Variants in CLEC16A observed in about 807,000 individuals in gnomAD.
CLEC16A encodes C-type lectin domain containing 16A.
In CLEC16A, 51 loss-of-function variants were observed where a neutral mutation model predicts 109.5. The ratio of observed to expected loss-of-function variants is 0.47; its 90% CI spans 0.37 to 0.59. The LOEUF is 0.59. Among genes scored for constraint, CLEC16A ranks in the 20% least tolerant of loss-of-function variants. CLEC16A has a pLI of 0.00. For missense variants in CLEC16A, 1,339 were observed against 1,394.0 expected, an observed-to-expected ratio of 0.96 and a Z score of 0.63; for synonymous variants, 673 against 564.2, an observed-to-expected ratio of 1.19 and a Z score of -2.73.
chr16:11,003,123 G>T lies in CLEC16A; in HGVS notation c.1121G>T (p.Arg374Leu), dbSNP rs74163611. The change falls in exon 11 of 24, where the codon CGG becomes CTG. Residue 374 changes from arginine (R) to leucine (L), a missense_variant. Arg to Leu is a moderately radical substitution (Grantham distance 102, BLOSUM62 -2). Around this residue, in one of 3 missense-constraint regions of CLEC16A, gnomAD observed 1,061 missense variants for 1,006.8 expected, o/e 1.05. Transcript: ENST00000409790. ...CFIKPTETLE[R>L]SLEMNKHKGK... ...ATTAAACCCACCGAGACACTCGAGC[G>T]GTCCCTTGAGATGAACAAGCACAAG... 6.2e-7 allele frequency: 1 copy of T among 1,613,498 alleles called. No individual in the cohort carries two copies. Among genetic ancestry groups the T allele is most frequent in the Non-Finnish European group, 8.5e-7 (1 of 1,179,804 alleles).
chr16:10,978,633 TC>T (rs1013769472), intron 8 of CLEC16A, among the ~76,000 whole-genome samples: 50 of 152,258 alleles, frequency 3.3e-4, no homozygotes, highest in African/African-American at 9.4e-4. Context: ...TCCTTTCCTT[TC>T]CTCTTATTTC....
chr16:11,003,875 C>G, intron 11 of CLEC16A, among the ~76,000 whole-genome samples: 1 of 150,686 alleles, frequency 6.6e-6, no homozygotes, highest in Admixed American at 6.6e-5. Context: ...TGGCTCACAC[C>G]TTAATCCCAG....
chr16:11,023,815 G>A (rs966011166), intron 12 of CLEC16A, among the ~76,000 whole-genome samples: 5 of 152,040 alleles, frequency 3.3e-5, no homozygotes, highest in Non-Finnish European at 5.9e-5. Context: ...ACTCATGAAG[G>A]TGCTCTGTTC....
rs780416481 is a variant in CLEC16A, at chr16:11,174,196, C to G, written c.2807-4139C>G. ...GGACGCCGACGAGTGTTCAGCCTGT[C>G]GGAGGCCGACAGTCATGGCGGCCAC... On this transcript the variant is annotated intron_variant, in intron 23 of 23. Transcript: ENST00000409790. The surrounding 1 kb of genome is among the most constrained non-coding windows in gnomAD (Gnocchi z 4.7). 4.3e-6 allele frequency: 2 copies of G among 469,494 alleles called. No homozygotes were observed. The highest frequency in any genetic ancestry group is 2.0e-5 in the African/African-American group (1 of 50,064). The allele number at this position is 469,494 out of a possible 1,614,324, so 29.1% of individuals were successfully genotyped here. A position where few individuals can be genotyped will look rare whatever the true frequency, so the allele number is the denominator to read the frequency against.
At chr16:11,069,839 C>T (rs1030245801) in intron 19 of CLEC16A, among the ~76,000 whole-genome samples, 3 of 152,186 alleles carry the variant, frequency 2.0e-5, no homozygotes, top group African/African-American at 7.2e-5. Flanking sequence ...ACATAGCCAT[C>T]TCATTGTATG....
At chr16:11,169,484 A>C (rs1250634461) in intron 23 of CLEC16A, among the ~76,000 whole-genome samples, 2 of 152,118 alleles carry the variant, frequency 1.3e-5, no homozygotes, top group African/African-American at 4.8e-5. Flanking sequence ...ATGGGGTTTC[A>C]CCATGTTGGC....
intron 22 of CLEC16A, 92 bp downstream of exon 22, chr16:11,126,238 C>T (rs1232436902): frequency 4.4e-6 from 7 of 1,579,398 alleles, no homozygotes; most frequent in Non-Finnish European, 6.0e-6. Context: ...AGCTGCCCTT[C>T]CTCTCTCAGA....
intron 8 of CLEC16A, among the ~76,000 whole-genome samples, 183 bp from the exon 9 acceptor site, chr16:10,979,146 T>C (rs2043180936): frequency 6.6e-6 from 1 of 152,042 alleles, no homozygotes; most frequent in African/African-American, 2.4e-5. Context: ...GCAAACAGTA[T>C]TGAGTGGGAT....
At chr16:10,946,157 G>T (rs765796070) in intron 1 of CLEC16A, among the ~76,000 whole-genome samples, 14 of 152,176 alleles carry the variant, frequency 9.2e-5, no homozygotes, top group Non-Finnish European at 1.8e-4. Flanking sequence ...CAAGAAATAG[G>T]CAGGTTTCCA....
intron 19 of CLEC16A, among the ~76,000 whole-genome samples, chr16:11,087,948 C>T (rs1274552334): frequency 2.0e-5 from 3 of 152,258 alleles, no homozygotes; most frequent in Admixed American, 6.5e-5. Flanking sequence ...TGGGCTCCTC[C>T]ACCTGGGAGC....
chr16:11,050,310 T>G (rs936037074), intron 17 of CLEC16A, among the ~76,000 whole-genome samples: 8 of 152,224 alleles, frequency 5.3e-5, no homozygotes, highest in African/African-American at 1.9e-4. Context: ...GGATTAAGTT[T>G]CCAACACATG....
In CLEC16A at chr16:11,180,214, A is replaced by C. The variant is rs1484345542; in HGVS notation, c.*1524A>C. The C allele has an allele frequency of 6.6e-6, 1 of 152,390 alleles. No homozygotes were observed. Among genetic ancestry groups the C allele is most frequent in the Non-Finnish European group, 1.5e-5 (1 of 68,152 alleles). The allele number at this position is 152,390 out of a possible 1,614,324, so 9.4% of individuals were successfully genotyped here. On this transcript the variant is annotated 3_prime_UTR_variant, in exon 24 of 24. Coordinates refer to ENST00000409790, the MANE Select transcript of CLEC16A (RefSeq NM_015226.3). The stretch of plus-strand genomic sequence containing the variant: ...CTCGGCCCAGCCAGCTGTCCCGGCA[A>C]GGCCTGCCGAGGGCAGTTTTCAACC...
intron 16 of CLEC16A, among the ~76,000 whole-genome samples, chr16:11,045,765 A>G (rs977081889): frequency 6.6e-6 from 1 of 152,204 alleles, no homozygotes; most frequent in Non-Finnish European, 1.5e-5. Flanking sequence ...GAAGGTGGCA[A>G]CACTGCCATT....
chr16:11,127,102 T>G (rs1304999260), intron 22 of CLEC16A, among the ~76,000 whole-genome samples: 8 of 152,246 alleles, frequency 5.3e-5, no homozygotes, highest in Non-Finnish European at 2.9e-5. Flanking sequence ...AAGTCTACTT[T>G]GCTTCAGAAG....
chr16:11,152,229 T>A lies in CLEC16A; in HGVS notation c.2642-14159T>A, dbSNP rs371176906. Among the ~76,000 whole-genome samples the A allele has an allele frequency of 4.6e-5, 7 of 152,222 alleles. No homozygotes were observed. The East Asian group carries it at 7.7e-4, about 17-fold the overall frequency. On this transcript the variant is annotated intron_variant, in intron 22 of 23. Transcript: ENST00000409790. ...GAAAGTGGAAGCCTTAGGCCGGTCA[T>A]CTGGGACAATTTCACTTGAACAGCT... is the stretch of plus-strand genomic sequence containing the variant.
intron 16 of CLEC16A, among the ~76,000 whole-genome samples, chr16:11,046,993 C>T (rs2047667824): frequency 6.6e-6 from 1 of 151,736 alleles, no homozygotes; most frequent in Admixed American, 6.6e-5. Context: ...TTAGCCTTTT[C>T]TATATTTTAA....
intron 19 of CLEC16A, among the ~76,000 whole-genome samples, chr16:11,093,768 T>C (rs2050448991): frequency 1.3e-5 from 2 of 152,060 alleles, no homozygotes; most frequent in Admixed American, 1.3e-4. Context: ...GAAGGGGCCC[T>C]GCTGAAGGAC....
At chr16:11,016,405 G>C (rs1183244562) in intron 11 of CLEC16A, among the ~76,000 whole-genome samples, 2 of 149,686 alleles carry the variant, frequency 1.3e-5, no homozygotes, top group African/African-American at 5.0e-5. Flanking sequence ...CTGGAGTGCA[G>C]TGGCCCAATC....
At chr16:10,953,704 C>T (rs1482628184) in intron 1 of CLEC16A, among the ~76,000 whole-genome samples, 2 of 152,194 alleles carry the variant, frequency 1.3e-5, no homozygotes, top group Non-Finnish European at 2.9e-5. Flanking sequence ...AGGCTAGGCG[C>T]GGTGGCTCAC....
Sources: gnomAD v4.1 joint callset for allele counts (sites outside exome capture counted in the v4.1 genomes callset) on GRCh38, gnomAD v4.1.1 for gene constraint, gnomAD v4.1.1 regional missense constraint, Gnocchi (gnomAD v3.1) non-coding constraint, MANE v1.5 for transcripts, NCBI Gene and HGNC (gene_info 2026-07-23, HGNC 2026-07-21) for gene names.